Variants in GLIPR1L2 observed in about 807,000 individuals in gnomAD.
GLIPR1L2 encodes GLIPR1 like 2, also known as GLIPR1-like protein 2.
A neutral mutation model predicts 28.4 loss-of-function variants in GLIPR1L2; 21 were observed. The ratio of observed to expected loss-of-function variants is 0.74; its 90% confidence interval spans 0.52 to 1.06. GLIPR1L2 has a LOEUF of 1.06. Ranked by LOEUF, GLIPR1L2 falls within the 50% of genes least tolerant of loss-of-function variation. The pLI is 0.00. For missense variants in GLIPR1L2, 476 were observed against 416.9 expected, an observed-to-expected ratio of 1.14 and a Z score of -1.23; for synonymous variants, 145 against 139.3, an observed-to-expected ratio of 1.04 and a Z score of -0.29.
intron 4 of GLIPR1L2, among the ~76,000 whole-genome samples, chr12:75,427,464 A>AG: frequency 6.6e-6 from 1 of 152,342 alleles, no homozygotes; most frequent in East Asian, 1.9e-4. Context: ...ATCCAAAGGA[A>AG]GGTCAGTTCA....
At position 75,428,273 on chromosome 12, in the gene GLIPR1L2, G is replaced by C. The variant is rs186240463; in HGVS notation, c.671-2442G>C. 2.4e-3 allele frequency among the ~76,000 whole-genome samples: 361 copies of C among 152,272 alleles called. 13 individuals are homozygous for C. Among genetic ancestry groups the C allele is most frequent in the Admixed American group, 0.023 (354 of 15,294 alleles). ...ATTCTTGCTATGCTTTAGCAAACAG[G>C]CTGGTGGCATTTTTACCCATGCCCT... On this transcript the variant is annotated intron_variant, in intron 4 of 5. Coordinates refer to ENST00000550916, the MANE Select transcript of GLIPR1L2 (RefSeq NM_001270396.2).
At chr12:75,413,482 T>C in intron 2 of GLIPR1L2, 116 bp from the exon 3 acceptor site, 1 of 622,088 alleles carries the variant, frequency 1.6e-6, no homozygotes. Flanking sequence ...AAATAGTTTA[T>C]ATTTCTTGAA....
chr12:75,430,243 C>T (rs1351826089), intron 4 of GLIPR1L2, among the ~76,000 whole-genome samples: 2 of 152,076 alleles, frequency 1.3e-5, no homozygotes, highest in Non-Finnish European at 2.9e-5. Context: ...ATATTGAATG[C>T]CAGGCTATAG....
At chr12:75,392,253 CAT>C (rs954825824) in intron 1 of GLIPR1L2, among the ~76,000 whole-genome samples, 15 of 152,170 alleles carry the variant, frequency 9.9e-5, no homozygotes, top group South Asian at 2.1e-4. Context: ...TAATTTAACA[CAT>C]AGCAATTGCT....
In GLIPR1L2 at chr12:75,431,835, G is replaced by T. The variant is rs893328522; in HGVS notation, c.*674G>T. ...TTAATTAGTTGTGGTAGAGGAATCT[G>T]GGTGCTTCCAAATTTATATGATAAA... On this transcript the variant is annotated 3_prime_UTR_variant, in exon 6 of 6. Transcript: ENST00000550916. 5 of 151,820 alleles carry T rather than the reference G, an allele frequency of 3.3e-5. No homozygotes were observed. Among genetic ancestry groups the T allele is most frequent in the Admixed American group, 2.0e-4 (3 of 15,236 alleles). 9.4% of individuals were successfully genotyped at this position (151,820 alleles called of 1,614,324 possible). A position where few individuals can be genotyped will look rare whatever the true frequency, so the allele number is the denominator to read the frequency against.
At position 75,419,864 on chromosome 12, in the gene GLIPR1L2, A is replaced by C. The variant is rs891290273; in HGVS notation, c.585-3040A>C. 2.6e-5 allele frequency among the ~76,000 whole-genome samples: 4 copies of C among 152,222 alleles called. No homozygotes were observed. In the South Asian group the frequency reaches 8.3e-4, roughly 31 times the overall value. ...CCTTGAATAGGCCCAGGAAGTAGTC[A>C]TGGAATTTTTGGCAAAGACAAATAT... On this transcript the variant is annotated intron_variant, in intron 3 of 5. Transcript: ENST00000550916.
At chr12:75,417,640 A>T (rs1424862087) in intron 3 of GLIPR1L2, among the ~76,000 whole-genome samples, 1 of 152,174 alleles carries the variant, frequency 6.6e-6, no homozygotes. Context: ...TGTATGGCAT[A>T]TAAATCTACA....
chr12:75,429,934 C>CT (rs113964308), intron 4 of GLIPR1L2, among the ~76,000 whole-genome samples: 47,716 of 128,268 alleles, frequency 0.37, 8,535 homozygotes, highest in East Asian at 0.51. Flanking sequence ...CTTTTCTTTT[C>CT]TTTCTTTTTT....
intron 1 of GLIPR1L2, among the ~76,000 whole-genome samples, chr12:75,399,273 G>T (rs1357997430): frequency 6.6e-6 from 1 of 152,112 alleles, no homozygotes; most frequent in African/African-American, 2.4e-5. Context: ...CCAAATATAT[G>T]AGTGTTTAGC....
chr12:75,400,620 A>G (rs1378110583), intron 1 of GLIPR1L2, among the ~76,000 whole-genome samples: 2 of 152,238 alleles, frequency 1.3e-5, no homozygotes, highest in African/African-American at 4.8e-5. Context: ...ATGACTTCTC[A>G]ATGATTTTAT....
At chr12:75,409,624 C>CT (rs1330041163) in intron 1 of GLIPR1L2, among the ~76,000 whole-genome samples, 1 of 144,784 alleles carries the variant, frequency 6.9e-6, no homozygotes, top group African/African-American at 2.5e-5. Flanking sequence ...ATTCTCTAAT[C>CT]TTATATATAT....
At chr12:75,413,254 G>A (rs1300096417) in intron 2 of GLIPR1L2, among the ~76,000 whole-genome samples, 1 of 151,568 alleles carries the variant, frequency 6.6e-6, no homozygotes, top group Non-Finnish European at 1.5e-5. Flanking sequence ...TAAATGATGA[G>A]TTAATGGGTG....
rs950590728 is a variant in GLIPR1L2 at position 75,404,515 on chromosome 12, T to G, written c.235-5919T>G. Among the ~76,000 whole-genome samples the G allele has an allele frequency of 4.6e-5, 7 of 152,258 alleles. 2 individuals carry two copies. In the South Asian group the frequency reaches 1.5e-3, roughly 32 times the overall value. On this transcript the variant is annotated intron_variant, in intron 1 of 5. Coordinates refer to ENST00000550916, the MANE Select transcript of GLIPR1L2 (RefSeq NM_001270396.2). The stretch of plus-strand genomic sequence containing the variant: ...TTAATTATCATACAAGCATATATTT[T>G]TATTCTACTTGGGTTTACTAAGTCA...
chr12:75,404,709 G>GT (rs1278480582), intron 1 of GLIPR1L2, among the ~76,000 whole-genome samples: 1 of 151,858 alleles, frequency 6.6e-6, no homozygotes, highest in African/African-American at 2.4e-5. Context: ...ACCCTTTTTA[G>GT]TTTTTTTGCT....
At chr12:75,411,493 T>G (rs1236989055) in intron 2 of GLIPR1L2, among the ~76,000 whole-genome samples, 1 of 151,868 alleles carries the variant, frequency 6.6e-6, no homozygotes, top group Admixed American at 6.6e-5. Flanking sequence ...TCATCAGTTT[T>G]TTTTTTCTGA....
chr12:75,403,500 G>A (rs897867753), intron 1 of GLIPR1L2, among the ~76,000 whole-genome samples: 12 of 152,074 alleles, frequency 7.9e-5, no homozygotes, highest in Non-Finnish European at 1.0e-4. Flanking sequence ...ACTAACCCCC[G>A]TCCCGTTTTT....
chr12:75,425,209 A>G (rs1170396704), intron 4 of GLIPR1L2, among the ~76,000 whole-genome samples: 4 of 152,090 alleles, frequency 2.6e-5, no homozygotes, highest in African/African-American at 7.2e-5. Flanking sequence ...GAGCATCAAC[A>G]TGGGATGGAA....
At chr12:75,414,599 T>C (rs2045906150) in intron 3 of GLIPR1L2, among the ~76,000 whole-genome samples, 1 of 152,134 alleles carries the variant, frequency 6.6e-6, no homozygotes, top group South Asian at 2.1e-4. Flanking sequence ...TAACTTTGAA[T>C]ATAGACATGC....
At chr12:75,412,816 AC>A (rs1468277398) in intron 2 of GLIPR1L2, among the ~76,000 whole-genome samples, 2 of 152,052 alleles carry the variant, frequency 1.3e-5, no homozygotes, top group Non-Finnish European at 2.9e-5. Context: ...AACTAGAAAT[AC>A]CATTTGACCC....
Sources: gnomAD v4.1 joint callset for allele counts (sites outside exome capture counted in the v4.1 genomes callset) on GRCh38, gnomAD v4.1.1 for gene constraint, MANE v1.5 for transcripts, NCBI Gene and HGNC (gene_info 2026-07-23, HGNC 2026-07-21) for gene names.